TTC28: variants seen among roughly 807,000 people sequenced by gnomAD.
TTC28 encodes the protein tetratricopeptide repeat domain 28, also known as tetratricopeptide repeat protein 28.
A neutral mutation model predicts 198.0 loss-of-function variants in TTC28; 61 were observed. The observed-to-expected ratio is 0.31, with a 90% CI of 0.25 to 0.38. The LOEUF is 0.38. Ranked by LOEUF, TTC28 falls within the 10% of genes least tolerant of loss-of-function variation. The pLI is 1.00. For missense variants in TTC28, 2,678 were observed against 3,164.0 expected, an observed-to-expected ratio of 0.85 and a Z score of 3.69; for synonymous variants, 1,171 against 1,297.8, an observed-to-expected ratio of 0.90 and a Z score of 2.10.
intron 14 of TTC28, chr22:28,006,507 C>T (rs894289608): frequency 2.6e-5 from 4 of 152,230 alleles, no homozygotes; most frequent in African/African-American, 9.6e-5. Context: ...CTGGCGTTTA[C>T]AAACATTCAT....
chr22:28,355,572 A>G (rs2046064476), intron 2 of TTC28, among the ~76,000 whole-genome samples: 1 of 152,216 alleles, frequency 6.6e-6, no homozygotes, highest in Non-Finnish European at 1.5e-5. Context: ...CCATTTCACT[A>G]ATAAACAAAA....
At chr22:28,177,305 T>C (rs1470754977) in intron 5 of TTC28, among the ~76,000 whole-genome samples, 2 of 152,122 alleles carry the variant, frequency 1.3e-5, no homozygotes, top group Admixed American at 6.6e-5. Context: ...AACAATGAGA[T>C]ACCACTACAT....
At chr22:28,035,632 G>A (rs1472693333) in intron 12 of TTC28, among the ~76,000 whole-genome samples, 1 of 152,080 alleles carries the variant, frequency 6.6e-6, no homozygotes, top group East Asian at 1.9e-4. Flanking sequence ...ACCTGAAAAG[G>A]CCCACCCATT....
chr22:28,216,270 C>T (rs939146599), intron 5 of TTC28, among the ~76,000 whole-genome samples: 1 of 152,134 alleles, frequency 6.6e-6, no homozygotes, highest in Non-Finnish European at 1.5e-5. Flanking sequence ...TGAAAGAAGT[C>T]CATATCATCA....
At chr22:28,114,790 TGCCCAG>T (rs1942588476) in intron 6 of TTC28, among the ~76,000 whole-genome samples, 1 of 152,170 alleles carries the variant, frequency 6.6e-6, no homozygotes, top group Non-Finnish European at 1.5e-5. Flanking sequence ...CTCACTATGT[TGCCCAG>T]GCTAGTCTCA....
At chr22:28,566,222 T>G (rs35438111) in intron 2 of TTC28, among the ~76,000 whole-genome samples, 3,022 of 152,264 alleles carry the variant, frequency 0.02, 30 homozygotes, top group Non-Finnish European at 0.027. Flanking sequence ...TAGAGAAGCT[T>G]TGTAGAGCAC....
At chr22:28,418,732 T>G (rs1378719062) in intron 2 of TTC28, among the ~76,000 whole-genome samples, 2 of 152,230 alleles carry the variant, frequency 1.3e-5, no homozygotes, top group East Asian at 3.8e-4. Context: ...ATTTATTAAA[T>G]ATTGAGCACC....
At chr22:28,028,299 G>C (rs1217196601) in intron 13 of TTC28, among the ~76,000 whole-genome samples, 4 of 152,200 alleles carry the variant, frequency 2.6e-5, no homozygotes, top group African/African-American at 9.7e-5. Flanking sequence ...TACTCAGCCT[G>C]GCTGGGGGCG....
rs138296282 is a variant in TTC28, at chr22:28,650,256, T to C, written c.103-20426A>G. On this transcript the variant is annotated intron_variant, in intron 1 of 22. Coordinates refer to ENST00000397906, the MANE Select transcript of TTC28 (RefSeq NM_001145418.2). ...TTTGCAGGGGAGAAGAAAAGGAAAA[T>C]TGATCACCCTTCCATTTGGAAAGAA... Among the ~76,000 whole-genome samples the C allele has an allele frequency of 9.9e-5, 15 of 151,976 alleles. 1 individual carries two copies. The highest frequency in any genetic ancestry group is 3.1e-4 in the African/African-American group (13 of 41,474).
chr22:28,103,291 T>G (rs1008898010), intron 8 of TTC28, among the ~76,000 whole-genome samples: 2 of 152,230 alleles, frequency 1.3e-5, no homozygotes, highest in Non-Finnish European at 1.5e-5. Context: ...TTTCTTCATT[T>G]GCAAGAAGAG....
In TTC28 at chr22:28,390,690, T is replaced by G. The variant is rs982555090; in HGVS notation, c.382-84047A>C. Among the ~76,000 whole-genome samples the G allele has an allele frequency of 3.6e-3, 542 of 152,286 alleles. 6 individuals carry two copies. Among genetic ancestry groups the G allele is most frequent in the African/African-American group, 0.012 (490 of 41,556 alleles). On this transcript the variant is annotated intron_variant, in intron 2 of 22. Transcript: ENST00000397906. ...CCCCTGCCTTTTTTTGTTTTCCATT[T>G]GCTTGGTAGATCTTCCTCCATCCTT...
intron 14 of TTC28, among the ~76,000 whole-genome samples, chr22:28,010,036 T>C (rs1176715790): frequency 6.6e-6 from 1 of 152,148 alleles, no homozygotes; most frequent in African/African-American, 2.4e-5. Context: ...AAGATTGTAT[T>C]TGTAGATATC....
intron 1 of TTC28, among the ~76,000 whole-genome samples, chr22:28,661,541 T>G (rs2051746975): frequency 6.6e-6 from 1 of 152,042 alleles, no homozygotes; most frequent in Non-Finnish European, 1.5e-5. Context: ...TGCCTCAGCC[T>G]CCTGAGTAGC....
intron 6 of TTC28, among the ~76,000 whole-genome samples, chr22:28,161,746 GAC>G (rs1921216785): frequency 6.9e-6 from 1 of 144,840 alleles, no homozygotes; most frequent in Non-Finnish European, 1.5e-5. Flanking sequence ...GACAGGACAG[GAC>G]AGGACAGGAA....
intron 5 of TTC28, among the ~76,000 whole-genome samples, chr22:28,250,478 T>C (rs1057289986): frequency 1.3e-5 from 2 of 152,184 alleles, no homozygotes; most frequent in African/African-American, 4.8e-5. Flanking sequence ...GTATCTGTGG[T>C]ATCTGTGGGA....
At chr22:28,346,838 T>C (rs546686570) in intron 2 of TTC28, among the ~76,000 whole-genome samples, 1 of 152,290 alleles carries the variant, frequency 6.6e-6, no homozygotes, top group East Asian at 1.9e-4. Context: ...TTAAGCACAT[T>C]GCATTGCACA....
chr22:28,007,953 A>G (rs1937992553), intron 14 of TTC28: 1 of 151,636 alleles, frequency 6.6e-6, no homozygotes, highest in Non-Finnish European at 1.5e-5. Context: ...CCTCATTTGA[A>G]TATCACTACA....
At chr22:28,206,806 T>C (rs1380709074) in intron 5 of TTC28, among the ~76,000 whole-genome samples, 1 of 152,156 alleles carries the variant, frequency 6.6e-6, no homozygotes, top group Non-Finnish European at 1.5e-5. Context: ...CCATCCTCAT[T>C]AGTACTTTAC....
At chr22:28,207,846 T>C (rs1378880876) in intron 5 of TTC28, among the ~76,000 whole-genome samples, 3 of 152,118 alleles carry the variant, frequency 2.0e-5, no homozygotes, top group Non-Finnish European at 4.4e-5. Flanking sequence ...ACTGTAAATG[T>C]TAAGCTCTTC....
Sources: allele counts gnomAD v4.1 joint callset (sites outside exome capture counted in the v4.1 genomes callset), GRCh38; gene constraint gnomAD v4.1.1; transcripts MANE v1.5; gene names NCBI Gene and HGNC (gene_info 2026-07-23, HGNC 2026-07-21).